SLC8A1: variants seen among roughly 807,000 people sequenced by gnomAD.
The protein encoded by SLC8A1 is sodium/calcium exchanger 1.
SLC8A1 carries 18 observed loss-of-function variants against 68.3 expected under a neutral mutation model. The ratio of observed to expected loss-of-function variants is 0.26; its 90% CI spans 0.18 to 0.39. The LOEUF is 0.39. Among genes scored for constraint, SLC8A1 ranks in the 10% least tolerant of loss-of-function variants. The probability of loss-of-function intolerance (pLI) is 1.00; values close to 1 mark genes in which losing one functional copy is unlikely to be tolerated. For synonymous variants in SLC8A1, 475 were observed against 415.5 expected, an observed-to-expected ratio of 1.14 and a Z score of -1.74; for missense variants, 985 against 1,156.7, an observed-to-expected ratio of 0.85 and a Z score of 2.15.
At chr2:40,193,930 C>T (rs567641825) in intron 2 of SLC8A1, among the ~76,000 whole-genome samples, 42 of 152,228 alleles carry the variant, frequency 2.8e-4, no homozygotes, top group Admixed American at 5.2e-4. Flanking sequence ...AGAAAAGTTG[C>T]TTTAATTACT....
At chr2:40,224,294 G>C (rs427632) in intron 2 of SLC8A1, among the ~76,000 whole-genome samples, 21,724 of 152,036 alleles carry the variant, frequency 0.14, 1,886 homozygotes, top group African/African-American at 0.22. Context: ...GGCTTCAGGA[G>C]GCAGAGTCAG....
At chr2:40,264,301 A>G (rs2065077717) in intron 2 of SLC8A1, among the ~76,000 whole-genome samples, 1 of 152,130 alleles carries the variant, frequency 6.6e-6, no homozygotes, top group African/African-American at 2.4e-5. Context: ...GCCATTCCTC[A>G]GGGATCTAGA....
intron 2 of SLC8A1, among the ~76,000 whole-genome samples, chr2:40,414,996 T>A (rs780661389): frequency 1.3e-5 from 2 of 152,104 alleles, no homozygotes; most frequent in African/African-American, 4.8e-5. Flanking sequence ...GAGAATGAAA[T>A]ACATGGCTCA....
At chr2:40,306,192 T>C (rs1194765045) in intron 2 of SLC8A1, among the ~76,000 whole-genome samples, 1 of 152,200 alleles carries the variant, frequency 6.6e-6, no homozygotes, top group Non-Finnish European at 1.5e-5. Flanking sequence ...AGCATCCACA[T>C]TTATGAAATG....
intron 2 of SLC8A1, among the ~76,000 whole-genome samples, chr2:40,214,051 G>A (rs982273785): frequency 6.6e-6 from 1 of 152,192 alleles, no homozygotes; most frequent in African/African-American, 2.4e-5. Context: ...TGATGACTGT[G>A]TGGCTGAAGA....
chr2:40,338,004 C>G (rs1237795676), intron 2 of SLC8A1, among the ~76,000 whole-genome samples: 1 of 152,070 alleles, frequency 6.6e-6, no homozygotes, highest in Non-Finnish European at 1.5e-5. Flanking sequence ...CATCACCCAG[C>G]TCAGGAAGCA....
chr2:40,474,242 C>T (rs927312698), intron 1 of SLC8A1, among the ~76,000 whole-genome samples: 6 of 152,174 alleles, frequency 3.9e-5, no homozygotes, highest in Non-Finnish European at 7.3e-5. Context: ...TAGGAATTAA[C>T]AGATTGTCTT....
chr2:40,317,287 A>G (rs918234156), intron 2 of SLC8A1, among the ~76,000 whole-genome samples: 1 of 152,080 alleles, frequency 6.6e-6, no homozygotes, highest in Non-Finnish European at 1.5e-5. Flanking sequence ...GATTGATGCA[A>G]GGCAGTGGTA....
chr2:40,428,916 A>C (rs1697595856), exon 2 of SLC8A1: 1 of 1,613,866 alleles, frequency 6.2e-7, no homozygotes, highest in Non-Finnish European at 8.5e-7. Context: ...ATTCATAATC[A>C]GACCCAGCAT....
intron 6 of SLC8A1, among the ~76,000 whole-genome samples, chr2:40,154,826 G>C (rs866214844): frequency 4.0e-5 from 6 of 151,394 alleles, no homozygotes; most frequent in Admixed American, 2.0e-4. Context: ...TATCACACCC[G>C]GCTAATTTTT....
At chr2:40,435,221 A>T (rs1699155846) in intron 1 of SLC8A1, among the ~76,000 whole-genome samples, 1 of 152,190 alleles carries the variant, frequency 6.6e-6, no homozygotes, top group Admixed American at 6.5e-5. Flanking sequence ...CTAAGCAATT[A>T]ATCTGTTTCT....
chr2:40,446,465 C>T (rs1359157194), intron 1 of SLC8A1: 1 of 152,198 alleles, frequency 6.6e-6, no homozygotes, highest in Non-Finnish European at 1.5e-5. Flanking sequence ...AGTGGCTAGC[C>T]TTATTTGCTT....
chr2:40,295,084 G>T (rs1210555996), intron 2 of SLC8A1, among the ~76,000 whole-genome samples: 1 of 151,846 alleles, frequency 6.6e-6, no homozygotes, highest in African/African-American at 2.4e-5. Context: ...GGATTGAAAA[G>T]TTATTTAAGA....
intron 1 of SLC8A1, among the ~76,000 whole-genome samples, chr2:40,432,358 T>C (rs1698506365): frequency 2.0e-5 from 3 of 149,714 alleles, no homozygotes; most frequent in Admixed American, 1.3e-4. Context: ...CTATGGTACA[T>C]GTGTGTGCAG....
chr2:40,397,461 A>C (rs2149633278), intron 2 of SLC8A1, among the ~76,000 whole-genome samples: 2 of 152,328 alleles, frequency 1.3e-5, no homozygotes, highest in South Asian at 4.1e-4. Flanking sequence ...GAATTGCTGC[A>C]AATCCATTTT....
intron 2 of SLC8A1, among the ~76,000 whole-genome samples, chr2:40,319,665 T>A (rs1040445140): frequency 7.2e-5 from 11 of 152,154 alleles, no homozygotes; most frequent in African/African-American, 2.4e-4. Flanking sequence ...ATGTTAGGCA[T>A]GACAGTAACA....
At chr2:40,241,322 G>T (rs1187031376) in intron 2 of SLC8A1, among the ~76,000 whole-genome samples, 1 of 151,832 alleles carries the variant, frequency 6.6e-6, no homozygotes, top group African/African-American at 2.4e-5. Flanking sequence ...CATAAACGTG[G>T]GTATAATAGA....
intron 2 of SLC8A1, among the ~76,000 whole-genome samples, chr2:40,418,674 G>A (rs951766741): frequency 2.0e-5 from 3 of 152,192 alleles, no homozygotes; most frequent in Non-Finnish European, 2.9e-5. Flanking sequence ...GCATTAAGAA[G>A]CGAAGTAGAA....
chr2:40,377,531 C>A (rs13405660), intron 2 of SLC8A1, among the ~76,000 whole-genome samples: 21,432 of 152,112 alleles, frequency 0.14, 3,320 homozygotes, highest in African/African-American at 0.39. Flanking sequence ...AGTCTCACTT[C>A]TGAATTGTGT....
Sources: allele counts gnomAD v4.1 joint callset (sites outside exome capture counted in the v4.1 genomes callset), GRCh38; gene constraint gnomAD v4.1.1; transcripts MANE v1.5; gene names NCBI Gene and HGNC (gene_info 2026-07-23, HGNC 2026-07-21).